MRPS5: variants seen among roughly 807,000 people sequenced by gnomAD.
MRPS5 encodes the protein small ribosomal subunit protein uS5m.
A neutral mutation model predicts 51.9 loss-of-function variants in MRPS5; 27 were observed. The observed-to-expected ratio is 0.52, with a 90% confidence interval of 0.38 to 0.72. The LOEUF is 0.72. MRPS5 is among the 30% of genes least tolerant of loss of function. MRPS5 has a pLI of 0.00. For missense variants in MRPS5, 570 were observed against 545.7 expected, an observed-to-expected ratio of 1.04 and a Z score of -0.44; for synonymous variants, 196 against 193.2, an observed-to-expected ratio of 1.01 and a Z score of -0.12.
chr2:95,121,711 G>T, intron 1 of MRPS5, 23 bp downstream of exon 1: 4 of 1,530,864 alleles, frequency 2.6e-6, no homozygotes, highest in Non-Finnish European at 3.5e-6. Flanking sequence ...CAGAGCCCCT[G>T]CTCCCGGCGT....
chr2:95,098,927 T>A (rs1202030501), intron 10 of MRPS5, among the ~76,000 whole-genome samples: 63 of 147,368 alleles, frequency 4.3e-4, no homozygotes, highest in African/African-American at 1.4e-3. Flanking sequence ...TATTATTTTT[T>A]TTTTTTTTTT....
rs116937945 is a variant in MRPS5, at chr2:95,121,569, C to T, written c.58+165G>A. On this transcript the variant is annotated intron_variant, in intron 1 of 11. Transcript: ENST00000272418. ...CTCCGCGACCCAGAGAGGGAGAGGA[C>T]GCGCGCAAGGTCACACAGCGGCTCC... Among the ~76,000 whole-genome samples the T allele has an allele frequency of 6.9e-4, 105 of 152,356 alleles. 1 individual carries two copies. The East Asian group carries it at 0.019, about 27-fold the overall frequency.
At position 95,085,915 on chromosome 2, in the gene MRPS5, A is replaced by T. The variant is rs927149016; in HGVS notation, c.*1442T>A. Among the ~76,000 whole-genome samples the T allele has an allele frequency of 4.2e-5, 6 of 143,492 alleles. No homozygotes were observed. Among genetic ancestry groups the T allele is most frequent in the African/African-American group, 1.5e-4 (6 of 39,004 alleles). 94.1% of individuals were successfully genotyped at this position (143,492 alleles called of 152,430 possible). On this transcript the variant is annotated 3_prime_UTR_variant, in exon 12 of 12. Coordinates refer to ENST00000272418, the MANE Select transcript of MRPS5 (RefSeq NM_031902.5). ...ACACAGATGTTGAAACTTTATGACA[A>T]TTTTTTTTTTTTTTTTGGAGACAAG...
At chr2:95,118,123 C>T (rs1676343634) in intron 1 of MRPS5, among the ~76,000 whole-genome samples, 178 bp from the exon 2 acceptor site, 1 of 152,180 alleles carries the variant, frequency 6.6e-6, no homozygotes, top group African/African-American at 2.4e-5. Flanking sequence ...TCTCCCTTCA[C>T]CCTCACATCC....
At chr2:95,090,985 C>G (rs1675447714) in intron 10 of MRPS5, 2 of 156,942 alleles carry the variant, frequency 1.3e-5, no homozygotes, top group Admixed American at 6.3e-5. Context: ...TTGGCCTGTC[C>G]TCTCCTCCTT....
chr2:95,100,359 A>C, intron 10 of MRPS5, 115 bp downstream of exon 10: 1 of 712,854 alleles, frequency 1.4e-6, no homozygotes, highest in Non-Finnish European at 2.4e-6. Context: ...AGCCTTTTAC[A>C]TTTTGGTGTT....
intron 3 of MRPS5, among the ~76,000 whole-genome samples, chr2:95,110,474 G>A (rs879526871): frequency 7.9e-5 from 12 of 152,128 alleles, no homozygotes; most frequent in Non-Finnish European, 1.8e-4. Flanking sequence ...ATTTCAATCT[G>A]AACCCACAAA....
At chr2:95,106,359 T>TGCCCGCCCCCCC in intron 6 of MRPS5, 64 bp downstream of exon 6, 1 of 835,256 alleles carries the variant, frequency 1.2e-6, no homozygotes, top group Admixed American at 1.7e-5. Context: ...TCTTGCCCTG[T>TGCCCGCCCCCCC]CCCTGCCCCA....
At position 95,087,329 on chromosome 2, in the gene MRPS5, AG is replaced by A. The variant is rs778520220; in HGVS notation, c.*27del. ...GTCTCTCCTAGGTGCAGGGCAGCAC[AG>A]GAACTGGCTGCACAAGGCCAGAGAG... On this transcript the variant is annotated 3_prime_UTR_variant, in exon 12 of 12. Coordinates refer to ENST00000272418, the MANE Select transcript of MRPS5 (RefSeq NM_031902.5). 6.3e-7 allele frequency: 1 copy of A among 1,580,470 alleles called. No homozygotes were observed. The highest frequency in any genetic ancestry group is 1.1e-5 in the South Asian group (1 of 90,278).
intron 4 of MRPS5, among the ~76,000 whole-genome samples, chr2:95,109,553 A>G (rs1318810554): frequency 1.1e-4 from 16 of 152,264 alleles, no homozygotes; most frequent in Non-Finnish European, 1.5e-4. Context: ...GCAGTTGCAA[A>G]ACAGACTATG....
chr2:95,096,004 T>A (rs1219489163), intron 10 of MRPS5, among the ~76,000 whole-genome samples: 1 of 152,008 alleles, frequency 6.6e-6, no homozygotes, highest in Non-Finnish European at 1.5e-5. Flanking sequence ...CAATAAAAAA[T>A]CACCACCAAT....
intron 7 of MRPS5, chr2:95,104,262 A>T (rs146786896): frequency 5.8e-6 from 1 of 172,110 alleles, no homozygotes; most frequent in African/African-American, 2.4e-5. Flanking sequence ...TTATTTTAAA[A>T]CTAATTTCCC....
chr2:95,090,124 C>T (rs1420769018), intron 11 of MRPS5, among the ~76,000 whole-genome samples: 88 of 146,556 alleles, frequency 6.0e-4, no homozygotes, highest in Non-Finnish European at 9.9e-4. Context: ...TTGCAGTGAG[C>T]CGGGATCCCG....
chr2:95,119,117 T>C lies in MRPS5; in HGVS notation c.59-1172A>G, dbSNP rs370009774. 5.9e-5 allele frequency among the ~76,000 whole-genome samples: 9 copies of C among 152,242 alleles called. No individual in the cohort carries two copies. In the East Asian group the frequency reaches 1.3e-3, roughly 23 times the overall value. ...ATATATGATATAAGGGTCTTGTACC[T>C]AAAAAACATAAAGAACACCTACAAT... On this transcript the variant is annotated intron_variant, in intron 1 of 11. Coordinates refer to ENST00000272418, the MANE Select transcript of MRPS5 (RefSeq NM_031902.5).
chr2:95,092,290 G>A (rs1675489886), intron 10 of MRPS5: 1 of 152,250 alleles, frequency 6.6e-6, no homozygotes, highest in South Asian at 2.1e-4. Flanking sequence ...AAGTAGAAGT[G>A]TTCCATGGTT....
chr2:95,090,652 C>A (rs917985195), intron 10 of MRPS5, 130 bp from the exon 11 acceptor site: 15 of 946,982 alleles, frequency 1.6e-5, no homozygotes, highest in Non-Finnish European at 2.4e-5. Flanking sequence ...TCACCACTTC[C>A]TAGTGAGCTG....
chr2:95,091,497 A>G (rs888172080), intron 10 of MRPS5: 1 of 152,352 alleles, frequency 6.6e-6, no homozygotes, highest in Non-Finnish European at 1.5e-5. Flanking sequence ...GATGGCTCCC[A>G]TGAGGGCCAG....
At chr2:95,094,878 C>T (rs1432145389) in intron 10 of MRPS5, among the ~76,000 whole-genome samples, 1 of 152,162 alleles carries the variant, frequency 6.6e-6, no homozygotes, top group African/African-American at 2.4e-5. Context: ...TCACACATAA[C>T]AATATTAACC....
chr2:95,093,573 T>G (rs1401538734), intron 10 of MRPS5: 1 of 152,356 alleles, frequency 6.6e-6, no homozygotes, highest in African/African-American at 2.4e-5. Flanking sequence ...CCTCTACTGG[T>G]GATACCCAGG....
Sources: gnomAD v4.1 joint callset for allele counts (sites outside exome capture counted in the v4.1 genomes callset) on GRCh38, gnomAD v4.1.1 for gene constraint, MANE v1.5 for transcripts, NCBI Gene and HGNC (gene_info 2026-07-23, HGNC 2026-07-21) for gene names.